RNPC3: variants seen among roughly 807,000 people sequenced by gnomAD.
RNPC3 encodes the protein RNA-binding region-containing protein 3.
In RNPC3, 48 loss-of-function variants were observed where a neutral mutation model predicts 67.5. The observed-to-expected ratio is 0.71, with a 90% CI of 0.56 to 0.90. The LOEUF (loss-of-function observed/expected upper bound fraction) is 0.90, where lower values mean the gene tolerates loss of function less well. RNPC3 is among the 40% of genes least tolerant of loss of function. RNPC3 has a pLI of 0.00. For synonymous variants in RNPC3, 239 were observed against 210.3 expected, an observed-to-expected ratio of 1.14 and a Z score of -1.18; for missense variants, 637 against 626.1, an observed-to-expected ratio of 1.02 and a Z score of -0.19.
intron 10 of RNPC3, 44 bp from the exon 11 acceptor site, chr1:103,546,204 A>G: frequency 1.0e-6 from 1 of 962,678 alleles, no homozygotes; most frequent in Non-Finnish European, 1.4e-6. Context: ...AAACTTGCTT[A>G]AAATATTTTA....
rs1347836555 is a variant in RNPC3 at position 103,545,015 on chromosome 1, A to G, written c.1120A>G (p.Thr374Ala). The change falls in exon 10 of 15, where the codon ACA (threonine) becomes GCA (alanine). Residue 374 changes from threonine to alanine, a missense_variant. Physicochemically the swap from Thr to Ala is moderately conservative, Grantham distance 58. Coordinates refer to ENST00000423855, the MANE Select transcript of RNPC3 (RefSeq NM_017619.4). ...CTTCCCCAAACCTAATTTGGACATCACAGAGGAGATTAAAGAAGACTCTGA... is the reference window on the plus strand; with the variant it reads ...CTTCCCCAAACCTAATTTGGACATCGCAGAGGAGATTAAAGAAGACTCTGA... ...KIFPKPNLDI[T>A]EEIKEDSDEM... 9.1e-6 allele frequency: 14 copies of G among 1,534,680 alleles called. No homozygotes were observed. The highest frequency in any genetic ancestry group is 1.2e-5 in the Non-Finnish European group (14 of 1,145,252).
At position 103,536,155 on chromosome 1, in the gene RNPC3, G is replaced by A. The variant is rs1340430418; in HGVS notation, c.585G>A (p.Leu195=). The A allele has an allele frequency of 2.2e-5, 34 of 1,535,950 alleles. No homozygotes were observed. Among genetic ancestry groups the A allele is most frequent in the Non-Finnish European group, 2.9e-5 (33 of 1,146,074 alleles). ...QVLHLMNKMN[L]PTPFGPITAR... is the part of the protein sequence containing the mutation. The stretch of plus-strand genomic sequence containing the variant: ...TTCATCTTATGAATAAAATGAATTT[G>A]CCCACACCTTTTGGACCAATTACTG... Residue 195 remains leucine, a synonymous_variant, in exon 6 of 15, where the codon TTG becomes TTA. Transcript: ENST00000423855.
intron 9 of RNPC3, 50 bp downstream of exon 9, chr1:103,543,497 G>T: frequency 7.9e-7 from 1 of 1,263,732 alleles, no homozygotes; most frequent in Non-Finnish European, 1.0e-6. Context: ...TATTGTGTTA[G>T]AATTAAGTTT....
At chr1:103,540,952 G>A (rs922447870) in intron 7 of RNPC3, among the ~76,000 whole-genome samples, 8 of 151,922 alleles carry the variant, frequency 5.3e-5, no homozygotes, top group Non-Finnish European at 7.4e-5. Flanking sequence ...TCCAGGCTCC[G>A]TTTAATAATT....
Position 103,527,699 on chromosome 1 carries a change from A to G in RNPC3, c.197A>G (p.His66Arg), listed in dbSNP as rs1317970013. ...RVLSDKGRLK[H>R]TAFATFPNEK... ...TGTACCTTAACTCTGTTTCAGAAACATACAGCTTTTGCCACATTCCCTAAT... is the reference window on the plus strand; with the variant it reads ...TGTACCTTAACTCTGTTTCAGAAACGTACAGCTTTTGCCACATTCCCTAAT... Residue 66 changes from histidine to arginine, a missense_variant, in exon 2 of 15, where the codon CAT becomes CGT. His to Arg is a conservative substitution (Grantham distance 29). This residue lies in a region of RNPC3 where 536 missense variants were observed against 500.3 expected (regional missense o/e 1.07). Transcript: ENST00000423855. The G allele has an allele frequency of 3.9e-6, 6 of 1,548,030 alleles. No individual in the cohort carries two copies. Among genetic ancestry groups the G allele is most frequent in the South Asian group, 3.6e-5 (3 of 83,544 alleles).
intron 12 of RNPC3, among the ~76,000 whole-genome samples, chr1:103,550,434 G>T (rs1651359228): frequency 6.6e-6 from 1 of 151,866 alleles, no homozygotes; most frequent in Non-Finnish European, 1.5e-5. Flanking sequence ...GAGGTCAGGA[G>T]ATCGAGACCA....
intron 14 of RNPC3, chr1:103,554,014 C>G (rs1188029245): frequency 1.3e-5 from 2 of 152,160 alleles, no homozygotes; most frequent in Admixed American, 1.3e-4. Flanking sequence ...TCACCAAGAA[C>G]AGTGGTTCTC....
In RNPC3 at chr1:103,536,173, A is replaced by T; in HGVS notation, c.603A>T (p.Pro201=). ...NKMNLPTPFG[P]ITARPPMYED... ...TGAATTTGCCCACACCTTTTGGACC[A>T]ATTACTGCGCGACCTCCCATGGTAA... The change falls in exon 6 of 15, where the codon CCA becomes CCT. Residue 201 remains proline, a synonymous_variant. Coordinates refer to ENST00000423855, the MANE Select transcript of RNPC3 (RefSeq NM_017619.4). The T allele has an allele frequency of 6.5e-7, 1 of 1,536,218 alleles. No individual in the cohort carries two copies. The highest frequency in any genetic ancestry group is 8.7e-7 in the Non-Finnish European group (1 of 1,146,102).
In RNPC3 at chr1:103,550,640, C is replaced by CA. The variant is rs34109337; in HGVS notation, c.1362-281dup. Among the ~76,000 whole-genome samples, 190 of 88,488 alleles carry CA rather than the reference C, an allele frequency of 2.1e-3. 1 individual carries two copies. Among genetic ancestry groups the CA allele is most frequent in the East Asian group, 0.012 (33 of 2,856 alleles). 58.1% of individuals were successfully genotyped at this position (88,488 alleles called of 152,430 possible). ...TGGGTGACAGAGTGAGACTCTGTCT[C>CA]AAAAAAAAAAAAAAAAAAAAGAAGT... On this transcript the variant is annotated intron_variant, in intron 12 of 14. Transcript: ENST00000423855.
chr1:103,526,660 A>T (rs1204732523), intron 1 of RNPC3, among the ~76,000 whole-genome samples: 1 of 152,206 alleles, frequency 6.6e-6, no homozygotes, highest in Non-Finnish European at 1.5e-5. Context: ...AGCCAATGTT[A>T]AATCGTTCAT....
Position 103,546,360 on chromosome 1 carries a change from T to C in RNPC3, c.1302+18T>C. On this transcript the variant is annotated intron_variant, in intron 11 of 14. Transcript: ENST00000423855. The stretch of plus-strand genomic sequence containing the variant: ...AAGAAAAGGTAGGTATAAATTGATT[T>C]TTTTTCATGTAAATGAAAATAATTT... 8.3e-7 allele frequency: 1 copy of C among 1,210,484 alleles called. No individual in the cohort carries two copies. Among genetic ancestry groups the C allele is most frequent in the African/African-American group, 1.6e-5 (1 of 63,808 alleles). 75.0% of individuals were successfully genotyped at this position (1,210,484 alleles called of 1,614,324 possible). A position where few individuals can be genotyped will look rare whatever the true frequency, so the allele number is the denominator to read the frequency against.
chr1:103,550,950 A>G lies in RNPC3; in HGVS notation c.1371A>G (p.Ile457Met), dbSNP rs1651372754. Residue 457 changes from isoleucine to methionine, a missense_variant, in exon 13 of 15, where the codon ATA (isoleucine) becomes ATG (methionine). By Grantham distance (10) the Ile-to-Met change is conservative. Around this residue, in one of 3 missense-constraint regions of RNPC3, gnomAD observed 96 missense variants for 105.8 expected, o/e 0.91. Coordinates refer to ENST00000423855, the MANE Select transcript of RNPC3 (RefSeq NM_017619.4). ...SSETQRIMFD[I>M]RLMKEGRMKG... The stretch of plus-strand genomic sequence containing the variant: ...TGTTTCTTCCTTCTAGGTTTGATAT[A>G]CGTTTGATGAAAGAAGGTCGTATGA... 1.2e-6 allele frequency: 2 copies of G among 1,610,920 alleles called. No homozygotes were observed. The highest frequency in any genetic ancestry group is 1.7e-6 in the Non-Finnish European group (2 of 1,179,450).
In RNPC3 at chr1:103,541,440, G is replaced by A; in HGVS notation, c.858G>A (p.Lys286=). 2.7e-6 allele frequency: 4 copies of A among 1,491,968 alleles called. No homozygotes were observed. In the East Asian group the frequency reaches 1.1e-4, roughly 39 times the overall value. 92.4% of individuals were successfully genotyped at this position (1,491,968 alleles called of 1,614,324 possible). ...ATGTGAGAAAAAAGAGAAAAATAAA[G>A]GATATGTTGAATACACCTTTGTGTC... The part of the protein sequence containing the change: ...QRHVRKKRKI[K]DMLNTPLCPS... Residue 286 remains lysine (K), a synonymous_variant, in exon 8 of 15, where the codon AAG becomes AAA. Transcript: ENST00000423855.
intron 12 of RNPC3, among the ~76,000 whole-genome samples, chr1:103,548,379 G>T (rs1651298319): frequency 2.6e-5 from 4 of 152,092 alleles, no homozygotes; most frequent in Admixed American, 1.3e-4. Context: ...GCTGCTTAGA[G>T]ATTTCTTCCG....
At chr1:103,534,393 G>A (rs982225701) in intron 3 of RNPC3, among the ~76,000 whole-genome samples, 1 of 152,000 alleles carries the variant, frequency 6.6e-6, no homozygotes, top group Non-Finnish European at 1.5e-5. Context: ...AGAAGTCTAT[G>A]AGTTTTAATA....
chr1:103,531,266 TG>T (rs1454235481), intron 2 of RNPC3, among the ~76,000 whole-genome samples: 1 of 152,238 alleles, frequency 6.6e-6, no homozygotes, highest in South Asian at 2.1e-4. Context: ...GCATTTGGGC[TG>T]GTTCCGTATT....
At chr1:103,537,024 C>A (rs1188171975) in intron 6 of RNPC3, among the ~76,000 whole-genome samples, 1 of 152,156 alleles carries the variant, frequency 6.6e-6, no homozygotes, top group Non-Finnish European at 1.5e-5. Context: ...CATTGCTACA[C>A]AGTCTGCAGA....
intron 7 of RNPC3, among the ~76,000 whole-genome samples, chr1:103,539,909 C>T (rs1298842885): frequency 6.6e-6 from 1 of 152,162 alleles, no homozygotes; most frequent in Non-Finnish European, 1.5e-5. Context: ...TTCGCCCTAA[C>T]TGGAGTGCAG....
chr1:103,536,025 C>T (rs1650975620), intron 5 of RNPC3, 101 bp from the exon 6 acceptor site: 1 of 828,280 alleles, frequency 1.2e-6, no homozygotes, highest in Non-Finnish European at 1.9e-6. Flanking sequence ...TCTTCCTTTA[C>T]ACTCAATAAA....
Sources: allele counts gnomAD v4.1 joint callset (sites outside exome capture counted in the v4.1 genomes callset), GRCh38; gene constraint gnomAD v4.1.1; regional missense constraint gnomAD v4.1.1; transcripts MANE v1.5; gene names NCBI Gene and HGNC (gene_info 2026-07-23, HGNC 2026-07-21).